SYCP3: variants seen among roughly 807,000 people sequenced by gnomAD.
The protein encoded by SYCP3 is synaptonemal complex protein 3.
A neutral mutation model predicts 38.5 loss-of-function variants in SYCP3; 29 were observed. The ratio of observed to expected loss-of-function variants is 0.75; its 90% CI spans 0.56 to 1.03. The LOEUF is 1.03. SYCP3 is among the 50% of genes least tolerant of loss of function. SYCP3 has a pLI of 0.00. For synonymous variants in SYCP3, 79 were observed against 80.3 expected, an observed-to-expected ratio of 0.98 and a Z score of 0.08; for missense variants, 242 against 270.7, an observed-to-expected ratio of 0.89 and a Z score of 0.74.
intron 1 of SYCP3, 170 bp downstream of exon 1, chr12:101,739,181 C>T (rs1594189632): frequency 2.6e-6 from 2 of 776,050 alleles, no homozygotes; most frequent in South Asian, 1.2e-4. Context: ...GCCCAGCCCG[C>T]CCGCTTTCCA....
intron 7 of SYCP3, chr12:101,729,622 A>C (rs909652853): frequency 6.1e-6 from 1 of 162,930 alleles, no homozygotes; most frequent in Admixed American, 6.1e-5. Flanking sequence ...TCACATTATG[A>C]AAAATAAAAA....
At chr12:101,737,687 G>C (rs1952508095) in intron 2 of SYCP3, 116 bp downstream of exon 2, 1 of 1,428,284 alleles carries the variant, frequency 7.0e-7, no homozygotes, top group Non-Finnish European at 9.8e-7. Context: ...CACAAATACC[G>C]GGGGAGGGAA....
intron 1 of SYCP3, among the ~76,000 whole-genome samples, chr12:101,738,596 C>A (rs959611142): frequency 3.9e-5 from 6 of 152,094 alleles, no homozygotes; most frequent in African/African-American, 1.4e-4. Context: ...ATTAGCCGGG[C>A]GCGGTGGCGG....
At chr12:101,739,247 G>A (rs182012809) in intron 1 of SYCP3, 104 bp downstream of exon 1, 10 of 996,062 alleles carry the variant, frequency 1.0e-5, no homozygotes, top group Non-Finnish European at 1.2e-5. Context: ...CCGTTTTCTC[G>A]TCAGAGGCCC....
intron 6 of SYCP3, 61 bp downstream of exon 6, chr12:101,733,514 G>T: frequency 1.4e-6 from 2 of 1,440,830 alleles, no homozygotes; most frequent in Non-Finnish European, 9.7e-7. Context: ...CACAATAAAA[G>T]GCTAGGTTGT....
intron 5 of SYCP3, 33 bp from the exon 6 acceptor site, chr12:101,733,707 T>C: frequency 6.3e-7 from 1 of 1,575,970 alleles, no homozygotes; most frequent in Non-Finnish European, 8.7e-7. Context: ...ATTGTCATAT[T>C]TCATACCAAT....
At chr12:101,737,658 T>A (rs908563532) in intron 2 of SYCP3, 145 bp downstream of exon 2, 1 of 1,081,072 alleles carries the variant, frequency 9.3e-7, no homozygotes, top group Non-Finnish European at 1.4e-6. Flanking sequence ...TGGCCATCCG[T>A]GTCAGCAGGT....
chr12:101,733,434 G>T, intron 6 of SYCP3, 141 bp downstream of exon 6: 1 of 730,438 alleles, frequency 1.4e-6, no homozygotes, highest in Non-Finnish European at 2.4e-6. Context: ...TACGTCTGTG[G>T]TTTACAGTTC....
intron 6 of SYCP3, 113 bp from the exon 7 acceptor site, chr12:101,731,779 T>A (rs1952202116): frequency 1.4e-6 from 1 of 732,652 alleles, no homozygotes; most frequent in Non-Finnish European, 2.1e-6. Context: ...TCAATGCTTT[T>A]AAAATTTTAA....
At chr12:101,733,745 T>C (rs1566053461) in intron 5 of SYCP3, 71 bp from the exon 6 acceptor site, 3 of 1,399,850 alleles carry the variant, frequency 2.1e-6, no homozygotes, top group East Asian at 4.7e-5. Context: ...CAAAACTGAG[T>C]TGACACAGTT....
intron 6 of SYCP3, chr12:101,733,303 G>A: frequency 2.5e-6 from 1 of 404,610 alleles, no homozygotes; most frequent in South Asian, 2.6e-5. Context: ...AAGCTAAACT[G>A]CCCCGACTTC....
rs1952616635 is a variant in SYCP3 at position 101,739,315 on chromosome 12, A to C, written c.-18+36T>G. The C allele has an allele frequency of 1.6e-5, 16 of 1,002,600 alleles. No homozygotes were observed. The South Asian group carries it at 6.5e-4, about 41-fold the overall frequency. 62.1% of individuals were successfully genotyped at this position (1,002,600 alleles called of 1,614,324 possible). On this transcript the variant is annotated intron_variant, in intron 1 of 8. Transcript: ENST00000392924. ...TGGTCAAGGGCAGCCTCTGGCCTGG[A>C]CACCTGCGATAGACAGACGCCTCCC...
intron 4 of SYCP3, among the ~76,000 whole-genome samples, chr12:101,736,385 G>T (rs912807343): frequency 1.3e-5 from 2 of 151,692 alleles, no homozygotes; most frequent in African/African-American, 4.8e-5. Flanking sequence ...CAGAGCAAAG[G>T]TTTCAAAAAA....
chr12:101,731,214 G>A (rs1952176304), intron 7 of SYCP3, among the ~76,000 whole-genome samples: 1 of 151,700 alleles, frequency 6.6e-6, no homozygotes. Context: ...ACAAACACTG[G>A]GGATAAAAAA....
Position 101,737,312 on chromosome 12 carries a change from TAAA to T in SYCP3, c.134-17_134-15del, listed in dbSNP as rs11306325. 10,105 of 1,394,842 alleles carry T rather than the reference TAAA, an allele frequency of 7.2e-3. No individual in the cohort carries two copies. The highest frequency in any genetic ancestry group is 7.9e-3 in the Non-Finnish European group (8,111 of 1,030,210). The allele number at this position is 1,394,842 out of a possible 1,614,324, so 86.4% of individuals were successfully genotyped here. On this transcript the variant is annotated splice_polypyrimidine_tract_variant and intron_variant, in intron 2 of 8. Coordinates refer to ENST00000392924, the MANE Select transcript of SYCP3 (RefSeq NM_001177949.2). ...CTGCAGTCTTCCCTGTATTGACAAT[TAAA>T]AAAAAAAAAAAAAAGCTTTTGAAAC...
intron 7 of SYCP3, 75 bp downstream of exon 7, chr12:101,731,492 TA>T (rs1311489563): frequency 3.9e-6 from 4 of 1,031,940 alleles, no homozygotes; most frequent in Non-Finnish European, 5.4e-6. Context: ...CCCATAAACT[TA>T]GAAAGAATTA....
At position 101,731,616 on chromosome 12, in the gene SYCP3, CTG is replaced by C. The variant is rs1256354397; in HGVS notation, c.502_503del (p.Gln168GlufsTer8). On this transcript the variant is annotated frameshift_variant, in exon 7 of 9. Coordinates refer to ENST00000392924, the MANE Select transcript of SYCP3 (RefSeq NM_001177949.2). LOFTEE classifies it high-confidence loss of function. ...GTTTAATTGTTTTCAATCTCTGGCT[CTG>C]AACAATTCTAGATTGTTGAAGAATC... ...QKILQQSRIV[Q>X]SQRLKTIKQL... 3 of 1,606,470 alleles carry C rather than the reference CTG, an allele frequency of 1.9e-6. No individual in the cohort carries two copies. In the South Asian group the frequency reaches 3.4e-5, roughly 18 times the overall value.
rs373060386 is a variant in SYCP3, at chr12:101,733,713, C to T, written c.354-39G>A. 1.1e-4 allele frequency: 174 copies of T among 1,559,942 alleles called. 2 individuals carry two copies. The African/African-American group carries it at 2.0e-3, about 18-fold the overall frequency. On this transcript the variant is annotated intron_variant, in intron 5 of 8. Transcript: ENST00000392924. Reference sequence around the variant, plus strand: ...TGATGAATTATTGTCATATTTCATACCAATATAAAAAGAATTTAAAACAAA... The same window carrying T: ...TGATGAATTATTGTCATATTTCATATCAATATAAAAAGAATTTAAAACAAA...
At chr12:101,738,580 T>C (rs1189019761) in intron 1 of SYCP3, among the ~76,000 whole-genome samples, 2 of 146,484 alleles carry the variant, frequency 1.4e-5, no homozygotes. Flanking sequence ...CTACTAAAAA[T>C]ACAAAATTAG....
Sources: allele counts gnomAD v4.1 joint callset (sites outside exome capture counted in the v4.1 genomes callset), GRCh38; gene constraint gnomAD v4.1.1; transcripts MANE v1.5; gene names NCBI Gene and HGNC (gene_info 2026-07-23, HGNC 2026-07-21).